The following IL19 variants were observed in gnomAD, a reference collection of about 807,000 sequenced individuals.
The protein encoded by IL19 is interleukin-19.
Under a neutral mutation model 19.5 loss-of-function variants are expected in IL19, and 15 were observed. The ratio of observed to expected loss-of-function variants is 0.77; its 90% CI spans 0.52 to 1.19. The LOEUF is 1.19. Among genes scored for constraint, IL19 ranks in the 50% most tolerant of loss-of-function variants. IL19 has a pLI of 0.00. For missense variants in IL19, 199 were observed against 213.1 expected (o/e 0.93, Z 0.41); for synonymous variants, 78 against 78.3 (o/e 1.00, Z 0.02).
chr1:206,795,765 C>G (rs558938647), intron 1 of IL19, among the ~76,000 whole-genome samples: 32 of 152,154 alleles, frequency 2.1e-4, no homozygotes, highest in Non-Finnish European at 3.1e-4. Context: ...ATAGCCCACT[C>G]TTGTTCCATC....
chr1:206,800,629 AG>A (rs777638310), intron 2 of IL19, among the ~76,000 whole-genome samples: 12 of 152,328 alleles, frequency 7.9e-5, no homozygotes, highest in Non-Finnish European at 1.3e-4. Flanking sequence ...GGATGGGGAA[AG>A]GAGACAGGAA....
At chr1:206,796,279 C>T (rs1181491454) in intron 1 of IL19, among the ~76,000 whole-genome samples, 2 of 152,200 alleles carry the variant, frequency 1.3e-5, no homozygotes, top group Non-Finnish European at 2.9e-5. Flanking sequence ...ATCTGCTTCA[C>T]TCGGTCCACA....
At chr1:206,793,100 C>T (rs1246250015) in intron 1 of IL19, among the ~76,000 whole-genome samples, 1 of 152,226 alleles carries the variant, frequency 6.6e-6, no homozygotes. Context: ...TGCATGAATG[C>T]GCTTGTGGGA....
intron 2 of IL19, among the ~76,000 whole-genome samples, chr1:206,821,293 G>T (rs892661145): frequency 5.3e-5 from 8 of 152,228 alleles, no homozygotes; most frequent in African/African-American, 1.9e-4. Context: ...CCTGTAAAGA[G>T]CCACAGTGAA....
intron 2 of IL19, among the ~76,000 whole-genome samples, chr1:206,800,926 G>T (rs911495142): frequency 6.6e-6 from 1 of 152,142 alleles, no homozygotes. Context: ...ACCACCTCTG[G>T]CCAGAAACAT....
chr1:206,781,700 A>G (rs1675134770), intron 1 of IL19, among the ~76,000 whole-genome samples: 1 of 151,448 alleles, frequency 6.6e-6, no homozygotes, highest in African/African-American at 2.4e-5. Context: ...CTAAGGGAGA[A>G]GGGAAAGGGA....
intron 2 of IL19, among the ~76,000 whole-genome samples, chr1:206,815,172 C>T (rs1676121934): frequency 6.6e-6 from 1 of 152,134 alleles, no homozygotes; most frequent in South Asian, 2.1e-4. Context: ...AGTCTATCTC[C>T]AGGATGTTTG....
chr1:206,784,706 A>G (rs1675227598), intron 1 of IL19, among the ~76,000 whole-genome samples: 2 of 152,320 alleles, frequency 1.3e-5, no homozygotes, highest in South Asian at 4.1e-4. Context: ...ACCTTCCGGA[A>G]GTGGATTTCT....
At chr1:206,783,308 G>A (rs953240571) in intron 1 of IL19, among the ~76,000 whole-genome samples, 7 of 152,190 alleles carry the variant, frequency 4.6e-5, no homozygotes, top group African/African-American at 1.2e-4. Flanking sequence ...GTTTAAGGAG[G>A]CCCAACAAGG....
intron 1 of IL19, among the ~76,000 whole-genome samples, chr1:206,786,182 G>A (rs17351243): frequency 0.38 from 57,681 of 151,980 alleles, 13,162 homozygotes; most frequent in East Asian, 0.69. Context: ...TTACCTGCTG[G>A]CTATGAGAAA....
intron 1 of IL19, among the ~76,000 whole-genome samples, chr1:206,781,930 CATATATATGTATATAGTTAT>C (rs1558606336): frequency 1.6e-3 from 158 of 99,690 alleles, no homozygotes; most frequent in African/African-American, 6.2e-3. Context: ...GTTATATATA[CATATATATGTATATAGTTAT>C]ATATACATAT....
chr1:206,842,252 A>G (rs1193094713), intron 6 of IL19, among the ~76,000 whole-genome samples: 1 of 152,200 alleles, frequency 6.6e-6, no homozygotes, highest in Admixed American at 6.5e-5. Flanking sequence ...TTTCCTGTGA[A>G]AAACAGAGGA....
At chr1:206,771,505 T>G in intron 1 of IL19, 1 of 1,144,388 alleles carries the variant, frequency 8.7e-7, no homozygotes, top group Non-Finnish European at 1.3e-6. Flanking sequence ...TAGAGATTTT[T>G]TTTTTTAAAT....
chr1:206,820,683 A>G (rs1196737532), intron 2 of IL19, among the ~76,000 whole-genome samples: 3 of 152,250 alleles, frequency 2.0e-5, no homozygotes, highest in Non-Finnish European at 2.9e-5. Flanking sequence ...GGGTGAGAAC[A>G]GTGGGCCTCT....
At chr1:206,827,429 G>T (rs1050005695) in intron 2 of IL19, among the ~76,000 whole-genome samples, 2 of 152,186 alleles carry the variant, frequency 1.3e-5, no homozygotes, top group African/African-American at 2.4e-5. Context: ...GGTGGCTCAC[G>T]CCTGTAATCC....
chr1:206,788,998 T>A (rs1374356346), intron 1 of IL19, among the ~76,000 whole-genome samples: 1 of 152,244 alleles, frequency 6.6e-6, no homozygotes, highest in Non-Finnish European at 1.5e-5. Context: ...CTGATCAAGA[T>A]ATAAAAGATG....
intron 2 of IL19, among the ~76,000 whole-genome samples, chr1:206,829,930 G>A (rs1676545037): frequency 1.3e-5 from 2 of 152,204 alleles, no homozygotes; most frequent in African/African-American, 4.8e-5. Flanking sequence ...TGCCCAATGT[G>A]GATTTGTGCT....
intron 2 of IL19, among the ~76,000 whole-genome samples, chr1:206,802,923 AG>A (rs1349389495): frequency 2.0e-5 from 3 of 152,244 alleles, no homozygotes; most frequent in Admixed American, 6.5e-5. Context: ...CAAAGAAATA[AG>A]GGGCCTGGCC....
chr1:206,795,083 T>C (rs1297537840), intron 1 of IL19, among the ~76,000 whole-genome samples: 2 of 152,160 alleles, frequency 1.3e-5, no homozygotes, highest in Non-Finnish European at 2.9e-5. Flanking sequence ...GGGCCTTTCA[T>C]TCTCCACACA....
Sources: gnomAD v4.1 joint callset for allele counts (sites outside exome capture counted in the v4.1 genomes callset) on GRCh38, gnomAD v4.1.1 for gene constraint, MANE v1.5 for transcripts, NCBI Gene and HGNC (gene_info 2026-07-23, HGNC 2026-07-21) for gene names.